The following GALNT17 variants were observed in gnomAD, a reference collection of about 807,000 sequenced individuals.
GALNT17 encodes polypeptide N-acetylgalactosaminyltransferase 17, also known as UDP-GalNAc:polypeptide N-acetylgalactosaminyltransferase-like 3.
A neutral mutation model predicts 63.7 loss-of-function variants in GALNT17; 29 were observed. That is an observed-to-expected ratio of 0.46 (90% CI 0.34 to 0.62). GALNT17 has a LOEUF of 0.62. Ranked by LOEUF, GALNT17 falls within the 20% of genes least tolerant of loss-of-function variation. GALNT17 has a pLI of 0.01. For missense variants in GALNT17, 603 were observed against 799.6 expected, an observed-to-expected ratio of 0.75 and a Z score of 2.97; for synonymous variants, 305 against 318.3, an observed-to-expected ratio of 0.96 and a Z score of 0.45.
intron 6 of GALNT17, among the ~76,000 whole-genome samples, chr7:71,657,518 C>G (rs1246013832): frequency 1.3e-5 from 2 of 152,140 alleles, no homozygotes; most frequent in Non-Finnish European, 2.9e-5. Flanking sequence ...CCCAGGGGAG[C>G]AGGTGGCCTG....
At chr7:71,380,785 C>T (rs1394313749) in intron 2 of GALNT17, among the ~76,000 whole-genome samples, 1 of 151,902 alleles carries the variant, frequency 6.6e-6, no homozygotes, top group African/African-American at 2.4e-5. Flanking sequence ...GACTCAGCTT[C>T]CATCAAGAGA....
At chr7:71,375,826 G>A (rs1054321521) in intron 2 of GALNT17, among the ~76,000 whole-genome samples, 5 of 152,196 alleles carry the variant, frequency 3.3e-5, no homozygotes, top group Non-Finnish European at 7.3e-5. Context: ...GGCCAGATAT[G>A]CCAGTTTCAA....
intron 7 of GALNT17, among the ~76,000 whole-genome samples, chr7:71,667,952 C>T (rs1313475493): frequency 6.6e-6 from 1 of 152,116 alleles, no homozygotes; most frequent in Non-Finnish European, 1.5e-5. Flanking sequence ...GGCTTGCGCC[C>T]TCTACCTGTC....
In GALNT17 at chr7:71,712,812, G is replaced by A. The variant is rs13226410; in HGVS notation, c.*666G>A. 22,486 of 152,464 alleles carry A rather than the reference G, an allele frequency of 0.15. 1,860 individuals are homozygous for A. Among genetic ancestry groups the A allele is most frequent in the African/African-American group, 0.21 (8,713 of 41,502 alleles). The allele number at this position is 152,464 out of a possible 1,614,324, so 9.4% of individuals were successfully genotyped here. On this transcript the variant is annotated 3_prime_UTR_variant, in exon 11 of 11. Transcript: ENST00000333538. Reference sequence around the variant, plus strand: ...ATCCCTGGGCACTAGGCTCTTATCAGTGTGCTTGGGCCAGCTCTCCTGCCT... The same window carrying A: ...ATCCCTGGGCACTAGGCTCTTATCAATGTGCTTGGGCCAGCTCTCCTGCCT...
intron 9 of GALNT17, among the ~76,000 whole-genome samples, chr7:71,693,301 C>G (rs551473946): frequency 2.4e-5 from 2 of 82,520 alleles, no homozygotes; most frequent in Admixed American, 2.9e-4. Context: ...CACACACACA[C>G]ACACACACAT....
At position 71,603,238 on chromosome 7, in the gene GALNT17, A is replaced by T. The variant is rs903921332; in HGVS notation, c.1080+31836A>T. ...ACTATGTTAAGTGCATACACTGGATACTGTGCTAAGTGCATATACCAGTTA... is the reference window on the plus strand; with the variant it reads ...ACTATGTTAAGTGCATACACTGGATTCTGTGCTAAGTGCATATACCAGTTA... On this transcript the variant is annotated intron_variant, in intron 6 of 10. Transcript: ENST00000333538. 2.6e-5 allele frequency among the ~76,000 whole-genome samples: 4 copies of T among 152,090 alleles called. No homozygotes were observed. The East Asian group carries it at 5.8e-4, about 22-fold the overall frequency.
chr7:71,534,598 C>CAAAAA (rs371592743), intron 5 of GALNT17, among the ~76,000 whole-genome samples: 14 of 108,270 alleles, frequency 1.3e-4, no homozygotes, highest in South Asian at 3.5e-4. Flanking sequence ...GACTCCATCT[C>CAAAAA]AAAAAAAAAA....
At chr7:71,175,200 C>T (rs1788615556) in intron 1 of GALNT17, among the ~76,000 whole-genome samples, 2 of 151,972 alleles carry the variant, frequency 1.3e-5, no homozygotes, top group South Asian at 4.2e-4. Flanking sequence ...GTCTATCTAT[C>T]CCTCCATCCA....
intron 5 of GALNT17, among the ~76,000 whole-genome samples, chr7:71,479,705 T>A (rs1313980784): frequency 1.3e-5 from 2 of 152,220 alleles, no homozygotes; most frequent in Non-Finnish European, 2.9e-5. Flanking sequence ...ATCAAGCTCC[T>A]TCCTCCTCAG....
chr7:71,474,987 A>C (rs142745667), intron 5 of GALNT17, among the ~76,000 whole-genome samples: 1 of 151,868 alleles, frequency 6.6e-6, no homozygotes, highest in East Asian at 1.9e-4. Context: ...CAAGCCAAGG[A>C]ATGCCGGCAG....
chr7:71,641,467 TG>T (rs1291353846), intron 6 of GALNT17, among the ~76,000 whole-genome samples: 4 of 152,146 alleles, frequency 2.6e-5, no homozygotes, highest in Admixed American at 6.6e-5. Flanking sequence ...TTCTAGAGAT[TG>T]GGAAGTCCAA....
chr7:71,365,983 A>G (rs1436700002), intron 2 of GALNT17, among the ~76,000 whole-genome samples: 2 of 152,156 alleles, frequency 1.3e-5, no homozygotes, highest in African/African-American at 2.4e-5. Context: ...TCTGGGGGTG[A>G]TGGGAGACAG....
intron 1 of GALNT17, among the ~76,000 whole-genome samples, chr7:71,162,115 C>CCTTCCTT (rs1788356038): frequency 2.2e-5 from 1 of 46,262 alleles, no homozygotes; most frequent in African/African-American, 1.8e-4. Context: ...CTTCCTCCCT[C>CCTTCCTT]CCTCCCTCCC....
chr7:71,593,417 C>T (rs755319331), intron 6 of GALNT17, among the ~76,000 whole-genome samples: 7 of 151,864 alleles, frequency 4.6e-5, no homozygotes, highest in Non-Finnish European at 1.0e-4. Context: ...AGGTGCGTGC[C>T]ACGACACCCA....
In GALNT17 at chr7:71,431,757, C is replaced by T. The variant is rs560240596; in HGVS notation, c.962+10652C>T. Reference sequence around the variant, plus strand: ...TAACACAATGCAGGGTATAGTTCTGCAAATGAGTGTGTTTGGGGTCTTAAA... The same window carrying T: ...TAACACAATGCAGGGTATAGTTCTGTAAATGAGTGTGTTTGGGGTCTTAAA... On this transcript the variant is annotated intron_variant, in intron 5 of 10. Coordinates refer to ENST00000333538, the MANE Select transcript of GALNT17 (RefSeq NM_022479.3). 3.6e-4 allele frequency among the ~76,000 whole-genome samples: 55 copies of T among 152,238 alleles called. 1 individual carries two copies. Among genetic ancestry groups the T allele is most frequent in the Admixed American group, 1.8e-3 (28 of 15,288 alleles).
chr7:71,420,895 C>A lies in GALNT17; in HGVS notation c.765-13C>A. 1.3e-6 allele frequency: 2 copies of A among 1,559,850 alleles called. No individual in the cohort carries two copies. The highest frequency in any genetic ancestry group is 1.4e-5 in the African/African-American group (1 of 69,724). ...GAGAAGAGAGGTTTCATGTCTATTT[C>A]TCTATGTTTCAGGGCTGAGCCGGTT... On this transcript the variant is annotated splice_polypyrimidine_tract_variant and intron_variant, in intron 4 of 10. Transcript: ENST00000333538.
intron 5 of GALNT17, among the ~76,000 whole-genome samples, chr7:71,545,841 T>C (rs1788974754): frequency 1.3e-5 from 2 of 152,222 alleles, no homozygotes; most frequent in South Asian, 4.1e-4. Flanking sequence ...AATTCTGGGT[T>C]GTATGTGGAT....
intron 6 of GALNT17, among the ~76,000 whole-genome samples, chr7:71,637,925 A>G (rs550512084): frequency 3.9e-5 from 6 of 152,362 alleles, no homozygotes; most frequent in African/African-American, 1.2e-4. Context: ...GTAAAGGGTT[A>G]AAAGGATGGC....
chr7:71,181,308 A>G (rs1788731580), intron 1 of GALNT17, among the ~76,000 whole-genome samples: 1 of 152,080 alleles, frequency 6.6e-6, no homozygotes, highest in African/African-American at 2.4e-5. Context: ...CACCAACCTA[A>G]TATTAATAGA....
Sources: gnomAD v4.1 joint callset for allele counts (sites outside exome capture counted in the v4.1 genomes callset) on GRCh38, gnomAD v4.1.1 for gene constraint, MANE v1.5 for transcripts, NCBI Gene and HGNC (gene_info 2026-07-23, HGNC 2026-07-21) for gene names.